The following SPTA1 variants were observed in gnomAD, a reference collection of about 807,000 sequenced individuals.
SPTA1 encodes the protein spectrin alpha chain, erythrocytic 1.
A neutral mutation model predicts 324.7 loss-of-function variants in SPTA1; 177 were observed. The ratio of observed to expected loss-of-function variants is 0.55; its 90% CI spans 0.48 to 0.62. The LOEUF (loss-of-function observed/expected upper bound fraction) is 0.62. Ranked by LOEUF, SPTA1 falls within the 20% of genes least tolerant of loss-of-function variation. The pLI, the probability that SPTA1 is intolerant of heterozygous loss-of-function variation, is 0.00. For synonymous variants in SPTA1, 1,195 were observed against 1,041.3 expected, an observed-to-expected ratio of 1.15 and a Z score of -2.84; for missense variants, 3,162 against 2,883.6, an observed-to-expected ratio of 1.10 and a Z score of -2.21.
chr1:158,647,061 C>CT (rs910725103), intron 27 of SPTA1, among the ~76,000 whole-genome samples: 4 of 151,958 alleles, frequency 2.6e-5, no homozygotes, highest in African/African-American at 7.3e-5. Flanking sequence ...ATGATTATGT[C>CT]TTTTTTTGCA....
At chr1:158,680,859 C>G (rs544144112) in intron 4 of SPTA1, 130 bp from the exon 5 acceptor site, 1 of 1,266,184 alleles carries the variant, frequency 7.9e-7, no homozygotes, top group Non-Finnish European at 1.1e-6. Context: ...GGGAGAAGCT[C>G]TCCTGGAAAA....
Position 158,653,421 on chromosome 1 carries a change from C to A in SPTA1, c.3041G>T (p.Trp1014Leu). The change falls in exon 22 of 52, where the codon TGG becomes TTG. Residue 1014 changes from tryptophan to leucine, a missense_variant. Trp to Leu is a moderately conservative substitution (Grantham distance 61). Transcript: ENST00000643759. ...LTLLSSINKDWWKVEAADHQG... is the reference protein window; with the variant it reads ...LTLLSSINKDLWKVEAADHQG... ...ATGATCAGCAGCTTCCACCTTCCAC[C>A]AGTCCTGAAGGGAGAGCAGATCCCC... 1 of 1,614,048 alleles carries A rather than the reference C, an allele frequency of 6.2e-7. No homozygotes were observed. The highest frequency in any genetic ancestry group is 1.1e-5 in the South Asian group (1 of 91,080).
At position 158,612,961 on chromosome 1, in the gene SPTA1, C is replaced by T; in HGVS notation, c.6990G>A (p.Arg2330=). The T allele has an allele frequency of 6.2e-7, 1 of 1,613,780 alleles. No individual in the cohort carries two copies. Among genetic ancestry groups the T allele is most frequent in the Non-Finnish European group, 8.5e-7 (1 of 1,179,824 alleles). Residue 2330 remains arginine, a splice_region_variant and synonymous_variant, in exon 51 of 52, where the codon AGG becomes AGA. Transcript: ENST00000643759. ...EKFLDAVDPG[R]KGYVSLEDYT... ...AGTCCTCCAGTGAGACATAGCCCTT[C>T]CTGTGGGAGAAATGGATCAGGAGCT...
chr1:158,612,867 G>T lies in SPTA1; in HGVS notation c.7084C>A (p.Gln2362Lys). 1 of 1,613,962 alleles carries T rather than the reference G, an allele frequency of 6.2e-7. No homozygotes were observed. Among genetic ancestry groups the T allele is most frequent in the Non-Finnish European group, 8.5e-7 (1 of 1,179,920 alleles). The part of the protein sequence containing the change: ...KSSDEIENAF[Q>K]ALAEGKSYIT... ...TATGACTTGCCCTCTGCCAGGGCTT[G>T]GAAGGCATTCTCTATTTCATCACTG... is the stretch of plus-strand genomic sequence containing the variant. The change falls in exon 51 of 52, where the codon CAA becomes AAA. Residue 2362 changes from glutamine (Q) to lysine (K), a missense_variant. By Grantham distance (53) the Gln-to-Lys change is moderately conservative (BLOSUM62 1). Transcript: ENST00000643759.
In SPTA1 at chr1:158,619,118, T is replaced by A. The variant is rs576783557; in HGVS notation, c.6530+104A>T. ...AAGATATGGGGATTTTAGGGCAGAA[T>A]ACATGCTCTCAGAGTCTCTCCTCTT... On this transcript the variant is annotated intron_variant, in intron 45 of 51. Transcript: ENST00000643759. 238 of 1,115,622 alleles carry A rather than the reference T, an allele frequency of 2.1e-4. 1 individual carries two copies. The African/African-American group carries it at 3.4e-3, about 16-fold the overall frequency. 69.1% of individuals were successfully genotyped at this position (1,115,622 alleles called of 1,614,324 possible). A position where few individuals can be genotyped will look rare whatever the true frequency, so the allele number is the denominator to read the frequency against.
At chr1:158,672,218 G>A in intron 10 of SPTA1, 22 bp from the exon 11 acceptor site, 1 of 1,603,458 alleles carries the variant, frequency 6.2e-7, no homozygotes, top group African/African-American at 1.3e-5. Context: ...AGGAGATAAT[G>A]TATATGGAAG....
Position 158,669,444 on chromosome 1 carries a change from G to T in SPTA1, c.1797C>A (p.Asn599Lys), listed in dbSNP as rs1269005558. The stretch of plus-strand genomic sequence containing the variant: ...CATCATCTGCCAACTTTTTCTTCTT[G>T]TTGATCCAGTTCTTTAGGTCATCTG... The part of the protein sequence containing the change: ...EDSDDLKNWI[N>K]KKKKLADDED... The change falls in exon 14 of 52, where the codon AAC becomes AAA. Residue 599 changes from asparagine to lysine, a missense_variant. Asn to Lys is a moderately conservative substitution (Grantham distance 94, BLOSUM62 0). Transcript: ENST00000643759. The T allele has an allele frequency of 1.2e-6, 2 of 1,614,088 alleles. No individual in the cohort carries two copies. The highest frequency in any genetic ancestry group is 2.2e-5 in the East Asian group (1 of 44,878).
At chr1:158,640,035 A>G in intron 33 of SPTA1, 28 bp from the exon 34 acceptor site, 7 of 1,613,734 alleles carry the variant, frequency 4.3e-6, no homozygotes, top group Non-Finnish European at 5.1e-6. Context: ...AGGAGTCATT[A>G]CAATCTTTAG....
chr1:158,653,160 T>G, intron 22 of SPTA1, 114 bp downstream of exon 22: 1 of 1,507,776 alleles, frequency 6.6e-7, no homozygotes, highest in South Asian at 1.1e-5. Context: ...TCTTAAAATC[T>G]TCAGATTTTC....
chr1:158,612,520 T>C (rs917055990), intron 51 of SPTA1: 1 of 396,520 alleles, frequency 2.5e-6, no homozygotes, highest in Non-Finnish European at 4.8e-6. Context: ...GCCTGGAACA[T>C]AGTAAGCATT....
chr1:158,617,995 A>G, intron 46 of SPTA1, 44 bp downstream of exon 46: 1 of 1,573,920 alleles, frequency 6.4e-7, no homozygotes, highest in Non-Finnish European at 8.7e-7. Flanking sequence ...ATTCTTCCAT[A>G]ATAATATAAT....
At chr1:158,677,873 C>T (rs774972596) in intron 6 of SPTA1, 39 bp from the exon 7 acceptor site, 4 of 1,612,904 alleles carry the variant, frequency 2.5e-6, no homozygotes, top group Non-Finnish European at 3.4e-6. Context: ...AAGAAGATAG[C>T]AAGCATTACA....
At chr1:158,615,141 T>C in intron 48 of SPTA1, 75 bp downstream of exon 48, 1 of 1,562,480 alleles carries the variant, frequency 6.4e-7, no homozygotes, top group Non-Finnish European at 8.8e-7. Context: ...TGCACCAAAC[T>C]CTCGCCCTTA....
intron 9 of SPTA1, 37 bp downstream of exon 9, chr1:158,674,503 T>C (rs1318575683): frequency 9.3e-6 from 15 of 1,613,962 alleles, no homozygotes; most frequent in Non-Finnish European, 1.3e-5. Context: ...CCAAATAACC[T>C]GCCCCCTCCT....
chr1:158,613,825 C>G lies in SPTA1; in HGVS notation c.6885G>C (p.Glu2295Asp), dbSNP rs767793235. Residue 2295 changes from glutamate to aspartate, a missense_variant, in exon 50 of 52, where the codon GAG becomes GAC. By Grantham distance (45) the Glu-to-Asp change is conservative. Coordinates refer to ENST00000643759, the MANE Select transcript of SPTA1 (RefSeq NM_003126.4). Reference protein sequence around the residue: ...ENLTGRLTHKEFRSCLRGLNY... With the variant: ...ENLTGRLTHKDFRSCLRGLNY... The stretch of plus-strand genomic sequence containing the variant: ...TGAGTCCTCTCAGGCAGGACCGGAA[C>G]TCTTTGTGAGTCAGGCGCCCTGTCA... The G allele has an allele frequency of 6.2e-7, 1 of 1,613,886 alleles. No individual in the cohort carries two copies. The highest frequency in any genetic ancestry group is 8.5e-7 in the Non-Finnish European group (1 of 1,179,924).
In SPTA1 at chr1:158,659,964, G is replaced by T. The variant is rs79994328; in HGVS notation, c.2587+1323C>A. On this transcript the variant is annotated intron_variant, in intron 18 of 51. Coordinates refer to ENST00000643759, the MANE Select transcript of SPTA1 (RefSeq NM_003126.4). The stretch of plus-strand genomic sequence containing the variant: ...AACTTTGTGAATCCACTAAGAGTGT[G>T]TCAGAGACCCTAAAAGGACTCCAAA... Among the ~76,000 whole-genome samples, 1,291 of 152,160 alleles carry T rather than the reference G, an allele frequency of 8.5e-3. 13 individuals are homozygous for T. The highest frequency in any genetic ancestry group is 0.028 in the African/African-American group (1,180 of 41,498).
Position 158,636,663 on chromosome 1 carries a change from A to T in SPTA1, c.5288T>A (p.Val1763Glu), listed in dbSNP as rs1651100836. Residue 1763 changes from valine (V) to glutamate (E), a missense_variant, in exon 37 of 52, where the codon GTG becomes GAG. Transcript: ENST00000643759. Reference sequence around the variant, plus strand: ...TACCTGGATGGCAGGCTCATGGGCCACCAGCTCCCCCTCTAGGCGTTTGTG... The same window carrying T: ...TACCTGGATGGCAGGCTCATGGGCCTCCAGCTCCCCCTCTAGGCGTTTGTG... Reference protein sequence around the residue: ...KKHKRLEGELVAHEPAIQNVL... With the variant: ...KKHKRLEGELEAHEPAIQNVL... The T allele has an allele frequency of 6.2e-7, 1 of 1,613,976 alleles. No individual in the cohort carries two copies. The highest frequency in any genetic ancestry group is 1.7e-5 in the Admixed American group (1 of 59,990).
In SPTA1 at chr1:158,649,869, C is replaced by T. The variant is rs1652292974; in HGVS notation, c.3556G>A (p.Glu1186Lys). The part of the protein sequence containing the change: ...RQLLGSAHAV[E>K]VFHREADDTK... ...TATAATTATTACCTGTGAAACACTT[C>T]AACAGCATGGGCACTGCCCAGCAGC... Residue 1186 changes from glutamate to lysine, a missense_variant, in exon 25 of 52, where the codon GAA (glutamate) becomes AAA (lysine). Transcript: ENST00000643759. 1 of 1,613,484 alleles carries T rather than the reference C, an allele frequency of 6.2e-7. No individual in the cohort carries two copies. The highest frequency in any genetic ancestry group is 1.7e-5 in the Admixed American group (1 of 59,954).
chr1:158,617,538 T>G lies in SPTA1; in HGVS notation c.6599A>C (p.Lys2200Thr), dbSNP rs1229613723. 1.2e-6 allele frequency: 2 copies of G among 1,613,112 alleles called. No individual in the cohort carries two copies. Among genetic ancestry groups the G allele is most frequent in the East Asian group, 4.5e-5 (2 of 44,856 alleles). Residue 2200 changes from lysine to threonine, a missense_variant and splice_region_variant, in exon 47 of 52, where the codon AAA becomes ACA. By Grantham distance (78) the Lys-to-Thr change is moderately conservative. Coordinates refer to ENST00000643759, the MANE Select transcript of SPTA1 (RefSeq NM_003126.4). ...GTLESQLEAN[K>T]RKQKEIQAMK... ...AGTTAATGAAAAAACAATACTTACTTTATTTGCTTCCAGCTGAGATTCCAG... is the reference window on the plus strand; with the variant it reads ...AGTTAATGAAAAAACAATACTTACTGTATTTGCTTCCAGCTGAGATTCCAG...
Sources: allele counts gnomAD v4.1 joint callset (sites outside exome capture counted in the v4.1 genomes callset), GRCh38; gene constraint gnomAD v4.1.1; transcripts MANE v1.5; gene names NCBI Gene and HGNC (gene_info 2026-07-23, HGNC 2026-07-21).